Variants in MYOM3 observed in about 807,000 individuals in gnomAD.
MYOM3 encodes the protein myomesin 3, also known as myomesin-3.
Under a neutral mutation model 191.7 loss-of-function variants are expected in MYOM3, and 155 were observed. The ratio of observed to expected loss-of-function variants is 0.81; its 90% confidence interval spans 0.71 to 0.92. The LOEUF (loss-of-function observed/expected upper bound fraction) is 0.92. Among genes scored for constraint, MYOM3 ranks in the 40% least tolerant of loss-of-function variants. The pLI is 0.00. For missense variants in MYOM3, 1,889 were observed against 1,890.6 expected, an observed-to-expected ratio of 1.00 and a Z score of 0.02; for synonymous variants, 757 against 762.9, an observed-to-expected ratio of 0.99 and a Z score of 0.13.
intron 35 of MYOM3, 22 bp downstream of exon 35, chr1:24,061,038 A>G: frequency 6.2e-6 from 10 of 1,613,994 alleles, no homozygotes; most frequent in Non-Finnish European, 8.5e-6. Context: ...AACAAAAACA[A>G]CAGAAATATC....
At chr1:24,103,110 G>A (rs927648485) in intron 5 of MYOM3, among the ~76,000 whole-genome samples, 9 of 152,230 alleles carry the variant, frequency 5.9e-5, no homozygotes, top group African/African-American at 2.2e-4. Context: ...TGGCAACCTC[G>A]TTGGCAGGGG....
At chr1:24,093,471 G>A (rs113455295) in intron 9 of MYOM3, among the ~76,000 whole-genome samples, 205 of 152,134 alleles carry the variant, frequency 1.3e-3, no homozygotes, top group African/African-American at 4.1e-3. Flanking sequence ...AGGAGGGCCC[G>A]TTTGGGGGAG....
chr1:24,084,881 A>T (rs1643716931), intron 15 of MYOM3, among the ~76,000 whole-genome samples: 1 of 152,026 alleles, frequency 6.6e-6, no homozygotes, highest in Admixed American at 6.6e-5. Flanking sequence ...AAGCATACTC[A>T]CTCATTCATC....
In MYOM3 at chr1:24,058,398, G is replaced by A. The variant is rs564469864; in HGVS notation, c.4050+526C>T. 2.0e-5 allele frequency among the ~76,000 whole-genome samples: 3 copies of A among 152,306 alleles called. No homozygotes were observed. The East Asian group carries it at 5.8e-4, about 29-fold the overall frequency. The stretch of plus-strand genomic sequence containing the variant: ...GTGAATCTCAGCTCTGCCCCTTCAA[G>A]CTGTGTGACCTTAGGTCTCTTAACC... On this transcript the variant is annotated intron_variant, in intron 36 of 36. Transcript: ENST00000374434.
At position 24,063,528 on chromosome 1, in the gene MYOM3, G is replaced by T; in HGVS notation, c.3625C>A (p.Leu1209Met). Residue 1209 changes from leucine (L) to methionine (M), a missense_variant and splice_region_variant, in exon 31 of 37, where the codon CTG becomes ATG. Physicochemically the swap from Leu to Met is conservative, Grantham distance 15. Transcript: ENST00000374434. The surrounding 1 kb of genome is among the most constrained non-coding windows in gnomAD (Gnocchi z 4.5). Reference sequence around the variant, plus strand: ...CCCAACTCGGTGAAGATGGCATCCAGGGCTGGCGGGAAACAGAGAGAAGGG... The same window carrying T: ...CCCAACTCGGTGAAGATGGCATCCATGGCTGGCGGGAAACAGAGAGAAGGG... Reference protein sequence around the residue: ...DTILDLTGDALDAIFTELGRI... With the variant: ...DTILDLTGDAMDAIFTELGRI... 1.9e-6 allele frequency: 3 copies of T among 1,614,168 alleles called. No homozygotes were observed. The highest frequency in any genetic ancestry group is 2.5e-6 in the Non-Finnish European group (3 of 1,180,024).
chr1:24,072,258 C>T (rs1192810230), intron 23 of MYOM3, among the ~76,000 whole-genome samples: 1 of 152,184 alleles, frequency 6.6e-6, no homozygotes, highest in Non-Finnish European at 1.5e-5. Flanking sequence ...TCTCCCCGTC[C>T]TTCAAGGCCT....
chr1:24,080,159 C>G lies in MYOM3; in HGVS notation c.2443G>C (p.Ala815Pro). 6.2e-7 allele frequency: 1 copy of G among 1,613,738 alleles called. No homozygotes were observed. The highest frequency in any genetic ancestry group is 8.5e-7 in the Non-Finnish European group (1 of 1,179,784). The change falls in exon 20 of 37, where the codon GCC becomes CCC. Residue 815 changes from alanine to proline, a missense_variant. By Grantham distance (27) the Ala-to-Pro change is conservative (BLOSUM62 -1). Coordinates refer to ENST00000374434, the MANE Select transcript of MYOM3 (RefSeq NM_152372.4). ...PYDVRASEVR[A>P]TSLVLQWEPP... ...TCCCACTGCAGCACCAGGGATGTGG[C>G]CCGCACCTCGGATGCCCGTACATCG...
At chr1:24,093,898 C>T (rs1570880549) in intron 9 of MYOM3, among the ~76,000 whole-genome samples, 1 of 152,146 alleles carries the variant, frequency 6.6e-6, no homozygotes, top group African/African-American at 2.4e-5. Context: ...GGCTATAGGC[C>T]TAGTCATGGA....
In MYOM3 at chr1:24,080,176, C is replaced by T. The variant is rs767994511; in HGVS notation, c.2426G>A (p.Arg809Gln). 1.9e-5 allele frequency: 30 copies of T among 1,612,466 alleles called. No individual in the cohort carries two copies. The highest frequency in any genetic ancestry group is 3.3e-5 in the Admixed American group (2 of 59,804). Residue 809 changes from arginine to glutamine, a missense_variant, in exon 20 of 37, where the codon CGG (arginine) becomes CAG (glutamine). By Grantham distance (43) the Arg-to-Gln change is conservative. Coordinates refer to ENST00000374434, the MANE Select transcript of MYOM3 (RefSeq NM_152372.4). ...MPQPGPPYDV[R>Q]ASEVRATSLV... ...GGATGTGGCCCGCACCTCGGATGCC[C>T]GTACATCGTACGGGGGGCCTGTGAC...
chr1:24,108,778 A>G, intron 1 of MYOM3, 124 bp from the exon 2 acceptor site: 1 of 665,714 alleles, frequency 1.5e-6, no homozygotes, highest in Non-Finnish European at 2.4e-6. Flanking sequence ...TGCAGTCGGC[A>G]GACAGGGAAA....
chr1:24,092,878 C>G, intron 10 of MYOM3, 69 bp downstream of exon 10: 1 of 1,393,410 alleles, frequency 7.2e-7, no homozygotes, highest in South Asian at 1.6e-5. Flanking sequence ...TAAGGTTCCA[C>G]AGCAAACAAG....
intron 14 of MYOM3, among the ~76,000 whole-genome samples, chr1:24,089,009 C>G (rs960258906): frequency 1.3e-5 from 2 of 152,200 alleles, no homozygotes; most frequent in Non-Finnish European, 2.9e-5. Flanking sequence ...ATACTGCCCC[C>G]CCTCCACTGT....
At chr1:24,096,421 A>G (rs1643878607) in intron 7 of MYOM3, among the ~76,000 whole-genome samples, 1 of 152,154 alleles carries the variant, frequency 6.6e-6, no homozygotes, top group Non-Finnish European at 1.5e-5. Context: ...AGAGAGGGAC[A>G]GGGATCTGGA....
rs200800591 is a variant in MYOM3, at chr1:24,108,072, C to T, written c.163G>A (p.Glu55Lys). The T allele has an allele frequency of 9.4e-4, 1,513 of 1,613,402 alleles. 16 individuals carry two copies. The highest frequency in any genetic ancestry group is 1.7e-3 in the Middle Eastern group (10 of 6,054). Residue 55 changes from glutamate (E) to lysine (K), a missense_variant and splice_region_variant, in exon 3 of 37, where the codon GAA becomes AAA. Coordinates refer to ENST00000374434, the MANE Select transcript of MYOM3 (RefSeq NM_152372.4). ...GCGGCGCTGAACTCATGCTCTTCTT[C>T]GCTGCTCCCAGAAGGAGGGGAGTAA... The part of the protein sequence containing the change: ...SVRRRTFRSS[E>K]EEHEFSAADY...
intron 23 of MYOM3, 102 bp downstream of exon 23, chr1:24,074,058 G>A (rs1643566239): frequency 8.5e-6 from 7 of 825,288 alleles, no homozygotes; most frequent in Non-Finnish European, 1.4e-5. Flanking sequence ...TGTGGAAATT[G>A]CCACTTTACT....
chr1:24,057,298 C>G lies in MYOM3; in HGVS notation c.*66G>C. 6.6e-7 allele frequency: 1 copy of G among 1,518,232 alleles called. No homozygotes were observed. Among genetic ancestry groups the G allele is most frequent in the Middle Eastern group, 2.4e-4 (1 of 4,210 alleles). 94.0% of individuals were successfully genotyped at this position (1,518,232 alleles called of 1,614,324 possible). On this transcript the variant is annotated 3_prime_UTR_variant, in exon 37 of 37. Transcript: ENST00000374434. ...CCCTGTAGCCTGTGCCAGGCTGTGA[C>G]CCTGGTACAGGTTGTCCCTACTGGT...
intron 17 of MYOM3, 119 bp from the exon 18 acceptor site, chr1:24,082,307 T>C: frequency 9.7e-7 from 1 of 1,030,866 alleles, no homozygotes; most frequent in Non-Finnish European, 1.4e-6. Flanking sequence ...CCAGGGGTTT[T>C]TCCCTGAGCC....
chr1:24,082,338 A>G, intron 17 of MYOM3, 150 bp from the exon 18 acceptor site: 2 of 873,464 alleles, frequency 2.3e-6, no homozygotes, highest in Admixed American at 3.0e-5. Context: ...GTGCCTCAGG[A>G]GGGCATCGGA....
chr1:24,075,262 T>C lies in MYOM3; in HGVS notation c.2858+57A>G, dbSNP rs888793540. ...GTCTCAGCCAGGAGCCCCTGCCAGC[T>C]CCTCTGACAGTATTTGGGTCCCGTT... On this transcript the variant is annotated intron_variant, in intron 22 of 36. Transcript: ENST00000374434. The C allele has an allele frequency of 4.4e-6, 7 of 1,577,366 alleles. No homozygotes were observed. The African/African-American group carries it at 9.5e-5, about 21-fold the overall frequency.
Sources: allele counts gnomAD v4.1 joint callset (sites outside exome capture counted in the v4.1 genomes callset), GRCh38; gene constraint gnomAD v4.1.1; non-coding constraint Gnocchi (gnomAD v3.1); transcripts MANE v1.5; gene names NCBI Gene and HGNC (gene_info 2026-07-23, HGNC 2026-07-21).